Variants in ANKS4B observed in about 807,000 individuals in gnomAD.
ANKS4B encodes ankyrin repeat and sterile alpha motif domain containing 4B.
ANKS4B carries 21 observed loss-of-function variants against 20.2 expected under a neutral mutation model. That is an observed-to-expected ratio of 1.04 (90% CI 0.74 to 1.50). The LOEUF (loss-of-function observed/expected upper bound fraction) is 1.50, where lower values mean the gene tolerates loss of function less well. Ranked by LOEUF, ANKS4B falls within the 40% of genes most tolerant of loss-of-function variation. The pLI, the probability that ANKS4B is intolerant of heterozygous loss-of-function variation, is 0.00. For missense variants in ANKS4B, 473 were observed against 494.6 expected (o/e 0.96, Z 0.41); for synonymous variants, 179 against 194.5 (o/e 0.92, Z 0.66).
chr16:21,245,742 G>A (rs2093331531), intron 1 of ANKS4B, among the ~76,000 whole-genome samples: 1 of 152,112 alleles, frequency 6.6e-6, no homozygotes, highest in African/African-American at 2.4e-5. Context: ...TGGGATTATA[G>A]GCATGAGCCA....
intron 1 of ANKS4B, among the ~76,000 whole-genome samples, chr16:21,236,860 T>C (rs1048281461): frequency 3.9e-5 from 6 of 152,354 alleles, no homozygotes; most frequent in African/African-American, 1.2e-4. Flanking sequence ...CTATAGTGCA[T>C]ACAAATACAT....
rs2093341095 is a variant in ANKS4B, at chr16:21,252,757, C to G, written c.*1937C>G. ...CACGATAGAAACTGACAACACTTGG[C>G]TCATGCCTGTAATCCCAGCACTTTG... On this transcript the variant is annotated 3_prime_UTR_variant, in exon 2 of 2. Coordinates refer to ENST00000311620, the MANE Select transcript of ANKS4B (RefSeq NM_145865.3). 6.6e-6 allele frequency: 1 copy of G among 152,262 alleles called. No individual in the cohort carries two copies. The highest frequency in any genetic ancestry group is 1.5e-5 in the Non-Finnish European group (1 of 68,066). The allele number at this position is 152,262 out of a possible 1,614,324, so 9.4% of individuals were successfully genotyped here.
intron 1 of ANKS4B, chr16:21,238,778 T>G (rs2093323174): frequency 6.6e-6 from 1 of 152,202 alleles, no homozygotes; most frequent in African/African-American, 2.4e-5. Context: ...TTGCTTATAT[T>G]AATATTTATT....
At chr16:21,249,371 G>A (rs749522428) in intron 1 of ANKS4B, among the ~76,000 whole-genome samples, 8 of 152,228 alleles carry the variant, frequency 5.3e-5, no homozygotes, top group African/African-American at 9.6e-5. Context: ...AGCTACTCAG[G>A]AGGCTGAGCA....
At chr16:21,245,422 G>A (rs915787842) in intron 1 of ANKS4B, among the ~76,000 whole-genome samples, 1 of 152,186 alleles carries the variant, frequency 6.6e-6, no homozygotes, top group East Asian at 1.9e-4. Context: ...CAATTAAGGA[G>A]ACAAGGCATA....
chr16:21,236,847 A>G (rs1353922432), intron 1 of ANKS4B, among the ~76,000 whole-genome samples: 1 of 152,254 alleles, frequency 6.6e-6, no homozygotes, highest in African/African-American at 2.4e-5. Flanking sequence ...CTCTCTATAT[A>G]TACTATAGTG....
Position 21,252,355 on chromosome 16 carries a change from A to G in ANKS4B, c.*1535A>G, listed in dbSNP as rs2152860298. 2 of 152,364 alleles carry G rather than the reference A, an allele frequency of 1.3e-5. No homozygotes were observed. The highest frequency in any genetic ancestry group is 3.9e-4 in the East Asian group (2 of 5,180). 9.4% of individuals were successfully genotyped at this position (152,364 alleles called of 1,614,324 possible). On this transcript the variant is annotated 3_prime_UTR_variant, in exon 2 of 2. Transcript: ENST00000311620. ...GAGGAGGGGGCCTCAGGAGAAACCAACCCTGCAATCACCTTGATCTTGGGC... is the reference window on the plus strand; with the variant it reads ...GAGGAGGGGGCCTCAGGAGAAACCAGCCCTGCAATCACCTTGATCTTGGGC...
At chr16:21,239,442 G>C (rs972854796) in intron 1 of ANKS4B, among the ~76,000 whole-genome samples, 1 of 151,884 alleles carries the variant, frequency 6.6e-6, no homozygotes, top group African/African-American at 2.4e-5. Context: ...TTAACTGGGC[G>C]TGGTGGCACA....
At chr16:21,243,575 T>C (rs2152859610) in intron 1 of ANKS4B, among the ~76,000 whole-genome samples, 1 of 152,268 alleles carries the variant, frequency 6.6e-6, no homozygotes, top group East Asian at 1.9e-4. Flanking sequence ...TTTTGTTTTG[T>C]TTTGTTTTGT....
In ANKS4B at chr16:21,251,260, C is replaced by T. The variant is rs879684644; in HGVS notation, c.*440C>T. 6.2e-5 allele frequency: 10 copies of T among 160,592 alleles called. No homozygotes were observed. The highest frequency in any genetic ancestry group is 9.7e-5 in the African/African-American group (4 of 41,422). The allele number at this position is 160,592 out of a possible 1,614,324, so 9.9% of individuals were successfully genotyped here. A position where few individuals can be genotyped will look rare whatever the true frequency, so the allele number is the denominator to read the frequency against. ...GCTGAGACTACAGGTTCACACCCCCCACACCTGGCTTATTTTGTATGTTTT... is the reference window on the plus strand; with the variant it reads ...GCTGAGACTACAGGTTCACACCCCCTACACCTGGCTTATTTTGTATGTTTT... On this transcript the variant is annotated 3_prime_UTR_variant, in exon 2 of 2. Transcript: ENST00000311620.
chr16:21,234,021 A>C, intron 1 of ANKS4B, 120 bp downstream of exon 1: 1 of 1,032,886 alleles, frequency 9.7e-7, no homozygotes. Context: ...TGTCTAAATG[A>C]TTGGATTTTT....
chr16:21,236,338 T>C (rs542631223), intron 1 of ANKS4B, among the ~76,000 whole-genome samples: 11 of 152,192 alleles, frequency 7.2e-5, no homozygotes, highest in Non-Finnish European at 1.0e-4. Flanking sequence ...ACCTCCAACA[T>C]TGCGGATTAC....
At position 21,250,225 on chromosome 16, in the gene ANKS4B, G is replaced by T; in HGVS notation, c.659G>T (p.Gly220Val). 1 of 1,614,160 alleles carries T rather than the reference G, an allele frequency of 6.2e-7. No homozygotes were observed. Among genetic ancestry groups the T allele is most frequent in the Non-Finnish European group, 8.5e-7 (1 of 1,180,038 alleles). ...KKNKDTAEQV[G>V]KEGRSGQRNV... ...AACAAAGATACAGCAGAACAGGTGG[G>T]GAAGGAAGGCAGAAGTGGGCAGAGG... The change falls in exon 2 of 2, where the codon GGG becomes GTG. Residue 220 changes from glycine (G) to valine (V), a missense_variant. Gly to Val is a moderately radical substitution (Grantham distance 109, BLOSUM62 -3). Transcript: ENST00000311620.
Position 21,252,352 on chromosome 16 carries a change from C to G in ANKS4B, c.*1532C>G, listed in dbSNP as rs531887348. The G allele has an allele frequency of 6.6e-6, 1 of 152,394 alleles. No homozygotes were observed. The highest frequency in any genetic ancestry group is 1.9e-4 in the East Asian group (1 of 5,174). The allele number at this position is 152,394 out of a possible 1,614,324, so 9.4% of individuals were successfully genotyped here. ...GCCGAGGAGGGGGCCTCAGGAGAAA[C>G]CAACCCTGCAATCACCTTGATCTTG... is the stretch of plus-strand genomic sequence containing the variant. On this transcript the variant is annotated 3_prime_UTR_variant, in exon 2 of 2. Coordinates refer to ENST00000311620, the MANE Select transcript of ANKS4B (RefSeq NM_145865.3).
At chr16:21,241,280 A>G (rs1252099416) in intron 1 of ANKS4B, among the ~76,000 whole-genome samples, 1 of 152,122 alleles carries the variant, frequency 6.6e-6, no homozygotes, top group African/African-American at 2.4e-5. Flanking sequence ...TACGTCTGTG[A>G]GTACCCAATG....
At chr16:21,243,040 T>C (rs1352750987) in intron 1 of ANKS4B, among the ~76,000 whole-genome samples, 1 of 152,214 alleles carries the variant, frequency 6.6e-6, no homozygotes, top group African/African-American at 2.4e-5. Flanking sequence ...TCAATTTGCA[T>C]TTCTTTGACT....
intron 1 of ANKS4B, among the ~76,000 whole-genome samples, chr16:21,235,061 T>G (rs1249346016): frequency 1.3e-5 from 2 of 152,166 alleles, no homozygotes; most frequent in South Asian, 4.1e-4. Context: ...TTGCCCAGGA[T>G]GGTCTTCAAC....
chr16:21,241,768 G>A (rs1009218146), intron 1 of ANKS4B, among the ~76,000 whole-genome samples: 2 of 152,104 alleles, frequency 1.3e-5, no homozygotes, highest in African/African-American at 4.8e-5. Context: ...TGTACAACGT[G>A]ATTTTTAAAA....
chr16:21,237,779 G>A (rs1014841062), intron 1 of ANKS4B, among the ~76,000 whole-genome samples: 1 of 152,192 alleles, frequency 6.6e-6, no homozygotes, highest in African/African-American at 2.4e-5. Context: ...AGCAGCATAT[G>A]TGCAATTTAA....
Sources: allele counts gnomAD v4.1 joint callset (sites outside exome capture counted in the v4.1 genomes callset), GRCh38; gene constraint gnomAD v4.1.1; transcripts MANE v1.5; gene names NCBI Gene and HGNC (gene_info 2026-07-23, HGNC 2026-07-21).